The following IL1RAPL1 variants were observed in gnomAD, a reference collection of about 807,000 sequenced individuals.
IL1RAPL1 encodes interleukin-1 receptor accessory protein-like 1.
A neutral mutation model predicts 48.4 loss-of-function variants in IL1RAPL1; 3 were observed. The observed-to-expected ratio is 0.06, with a 90% CI of 0.03 to 0.16. IL1RAPL1 has a LOEUF of 0.16. Among genes scored for constraint, IL1RAPL1 ranks in the 10% least tolerant of loss-of-function variants. IL1RAPL1 has a pLI of 1.00. For missense variants in IL1RAPL1, 349 were observed against 530.6 expected (o/e 0.66, Z 3.36); for synonymous variants, 185 against 187.7 (o/e 0.99, Z 0.12).
At chrX:29,580,262 AATTG>A (rs747498661) in intron 5 of IL1RAPL1, among the ~76,000 whole-genome samples, 7 of 110,869 alleles carry the variant, frequency 6.3e-5, no homozygotes, top group African/African-American at 1.3e-4. Context: ...GTGCTTTAAA[AATTG>A]ATTATTATTT....
At chrX:29,174,271 T>C (rs1486181099) in intron 2 of IL1RAPL1, among the ~76,000 whole-genome samples, 4 of 111,568 alleles carry the variant, frequency 3.6e-5, no homozygotes, top group Non-Finnish European at 7.5e-5. Flanking sequence ...ATGAGATGAT[T>C]TGCATGGAAG....
At chrX:29,944,974 T>A (rs865866435) in intron 9 of IL1RAPL1, among the ~76,000 whole-genome samples, 1 of 110,999 alleles carries the variant, frequency 9.0e-6, no homozygotes, top group East Asian at 2.8e-4. Context: ...AGTAATCATC[T>A]TCTTCATCCT....
intron 2 of IL1RAPL1, among the ~76,000 whole-genome samples, chrX:29,213,988 T>C (rs1279620673): frequency 9.0e-6 from 1 of 111,686 alleles, no homozygotes; most frequent in Non-Finnish European, 1.9e-5. Context: ...AATTCCCAAG[T>C]ACCTAGGACA....
intron 5 of IL1RAPL1, among the ~76,000 whole-genome samples, chrX:29,456,149 A>T (rs1033339141): frequency 8.9e-6 from 1 of 112,592 alleles, no homozygotes; most frequent in Non-Finnish European, 1.9e-5. Context: ...AAAGCCCGGA[A>T]TTAGAACATC....
chrX:29,293,725 A>G (rs777016063), intron 3 of IL1RAPL1, among the ~76,000 whole-genome samples: 2 of 111,653 alleles, frequency 1.8e-5, no homozygotes, highest in Non-Finnish European at 3.8e-5. Flanking sequence ...TACAAACAAC[A>G]TATGCCAGGC....
At chrX:29,700,150 A>T (rs1437778598) in intron 6 of IL1RAPL1, among the ~76,000 whole-genome samples, 1 of 111,998 alleles carries the variant, frequency 8.9e-6, no homozygotes, top group Non-Finnish European at 1.9e-5. Flanking sequence ...AAAAAAAGAA[A>T]GAATGAACTA....
At chrX:29,662,517 G>A (rs1925874396) in intron 5 of IL1RAPL1, among the ~76,000 whole-genome samples, 1 of 111,849 alleles carries the variant, frequency 8.9e-6, no homozygotes, top group Non-Finnish European at 1.9e-5. Context: ...CAGAAGTTTT[G>A]TCTGTCTTGT....
chrX:29,385,139 A>C (rs2147677344), intron 3 of IL1RAPL1, among the ~76,000 whole-genome samples: 1 of 111,989 alleles, frequency 8.9e-6, no homozygotes, highest in African/African-American at 3.2e-5. Context: ...TCTATTTCCG[A>C]AATTTTCCAT....
chrX:28,655,575 A>G (rs921983672), intron 1 of IL1RAPL1, among the ~76,000 whole-genome samples: 1 of 111,821 alleles, frequency 8.9e-6, no homozygotes, highest in African/African-American at 3.3e-5. Context: ...CATTAAAAAA[A>G]TACATTTATC....
intron 1 of IL1RAPL1, among the ~76,000 whole-genome samples, chrX:28,755,363 A>G (rs937319019): frequency 1.8e-5 from 2 of 112,560 alleles, no homozygotes; most frequent in Admixed American, 9.4e-5. Context: ...CACTAGCCAC[A>G]TGTGGCTGTG....
chrX:29,774,807 A>G (rs1929154029), intron 6 of IL1RAPL1, among the ~76,000 whole-genome samples: 1 of 111,975 alleles, frequency 8.9e-6, no homozygotes, highest in Admixed American at 9.5e-5. Flanking sequence ...GTATTTTTAA[A>G]TTAGATCCCC....
chrX:29,720,363 T>A lies in IL1RAPL1; in HGVS notation c.778+51859T>A, dbSNP rs749261888. Among the ~76,000 whole-genome samples the A allele has an allele frequency of 2.7e-5, 3 of 111,877 alleles. No homozygotes were observed. In the East Asian group the frequency reaches 8.4e-4, roughly 31 times the overall value. On this transcript the variant is annotated intron_variant, in intron 6 of 10. Coordinates refer to ENST00000378993, the MANE Select transcript of IL1RAPL1 (RefSeq NM_014271.4). ...GACTTGGAACCAACCCAAATGTCCA[T>A]CAATGATAGACTGGATTAAGAAAAT...
At chrX:29,562,632 T>A (rs1036084846) in intron 5 of IL1RAPL1, among the ~76,000 whole-genome samples, 1 of 111,724 alleles carries the variant, frequency 9.0e-6, no homozygotes, top group South Asian at 3.7e-4. Context: ...TACCCAAACA[T>A]AAATATTTAC....
chrX:29,672,759 G>T (rs932202955), intron 6 of IL1RAPL1, among the ~76,000 whole-genome samples: 7 of 111,692 alleles, frequency 6.3e-5, no homozygotes, highest in Admixed American at 5.8e-4. Context: ...TAAATTTTCT[G>T]CAAGAGAATA....
At position 29,948,625 on chromosome X, in the gene IL1RAPL1, T is replaced by C. The variant is rs973816579; in HGVS notation, c.1202-5897T>C. ...TTTTGAAAACTATAATTTATTCAAA[T>C]TTTATCAATGCAAATTTTTAATTAT... On this transcript the variant is annotated intron_variant, in intron 9 of 10. Transcript: ENST00000378993. Among the ~76,000 whole-genome samples the C allele has an allele frequency of 2.7e-5, 3 of 111,231 alleles. No individual in the cohort carries two copies. In the East Asian group the frequency reaches 8.4e-4, roughly 31 times the overall value.
chrX:29,747,690 A>G (rs891303226), intron 6 of IL1RAPL1, among the ~76,000 whole-genome samples: 2 of 113,027 alleles, frequency 1.8e-5, no homozygotes, highest in Admixed American at 9.4e-5. Context: ...GGTCTTCCAA[A>G]TACTTTCTTA....
intron 6 of IL1RAPL1, among the ~76,000 whole-genome samples, chrX:29,682,393 C>T (rs1006176932): frequency 1.8e-5 from 2 of 110,870 alleles, no homozygotes; most frequent in African/African-American, 6.6e-5. Context: ...TGCCCACCAC[C>T]TGAAATTTCC....
At chrX:29,728,673 G>C (rs1927842263) in intron 6 of IL1RAPL1, among the ~76,000 whole-genome samples, 1 of 112,365 alleles carries the variant, frequency 8.9e-6, no homozygotes, top group East Asian at 2.8e-4. Flanking sequence ...GAAATAAGTT[G>C]CTCAGAGTCA....
At chrX:29,113,899 A>T (rs1415714293) in intron 2 of IL1RAPL1, among the ~76,000 whole-genome samples, 1 of 111,520 alleles carries the variant, frequency 9.0e-6, no homozygotes, top group Non-Finnish European at 1.9e-5. Flanking sequence ...AGTGATAGGC[A>T]TCTTTGATTT....
Sources: allele counts gnomAD v4.1 joint callset (sites outside exome capture counted in the v4.1 genomes callset), GRCh38; gene constraint gnomAD v4.1.1; transcripts MANE v1.5; gene names NCBI Gene and HGNC (gene_info 2026-07-23, HGNC 2026-07-21).